The following SLC1A3 variants were observed in gnomAD, a reference collection of about 807,000 sequenced individuals.
The protein encoded by SLC1A3 is solute carrier family 1 member 3.
A neutral mutation model predicts 48.1 loss-of-function variants in SLC1A3; 21 were observed. The observed-to-expected ratio is 0.44, with a 90% confidence interval of 0.31 to 0.63. The LOEUF is 0.63. Ranked by LOEUF, SLC1A3 falls within the 20% of genes least tolerant of loss-of-function variation. SLC1A3 has a pLI of 0.08. For missense variants in SLC1A3, 546 were observed against 689.0 expected (o/e 0.79, Z 2.32); for synonymous variants, 239 against 251.4 (o/e 0.95, Z 0.47).
upstream of SLC1A3, among the ~76,000 whole-genome samples, chr5:36,603,314 A>G (rs1270649511): frequency 2.0e-5 from 3 of 152,190 alleles, no homozygotes; most frequent in Non-Finnish European, 4.4e-5. Flanking sequence ...TTGACATACT[A>G]ACTGGTAAAT....
At chr5:36,663,020 T>A (rs1023331627) in intron 3 of SLC1A3, among the ~76,000 whole-genome samples, 4 of 152,224 alleles carry the variant, frequency 2.6e-5, no homozygotes, top group African/African-American at 7.2e-5. Flanking sequence ...GAATTAAAGT[T>A]CATCCTCAAA....
chr5:36,623,287 A>G (rs1467043843), intron 2 of SLC1A3, among the ~76,000 whole-genome samples: 2 of 152,216 alleles, frequency 1.3e-5, no homozygotes, highest in African/African-American at 4.8e-5. Context: ...CATGATCTGA[A>G]TATTGCTCAT....
chr5:36,607,687 T>C (rs1179981932), intron 1 of SLC1A3, among the ~76,000 whole-genome samples: 1 of 152,216 alleles, frequency 6.6e-6, no homozygotes, highest in East Asian at 1.9e-4. Flanking sequence ...CAGAGCACTT[T>C]GCTTATTTCA....
At chr5:36,648,316 A>T (rs1250580714) in intron 3 of SLC1A3, among the ~76,000 whole-genome samples, 1 of 152,204 alleles carries the variant, frequency 6.6e-6, no homozygotes, top group Non-Finnish European at 1.5e-5. Flanking sequence ...TTTCAAGGAA[A>T]TTTGAGATTT....
At chr5:36,665,842 C>G (rs1296398197) in intron 3 of SLC1A3, among the ~76,000 whole-genome samples, 1 of 152,204 alleles carries the variant, frequency 6.6e-6, no homozygotes. Context: ...GAGGCTATCA[C>G]TGGCTTACTA....
chr5:36,628,867 G>A lies in SLC1A3; in HGVS notation c.182-583G>A, dbSNP rs144977363. Among the ~76,000 whole-genome samples, 336 of 152,238 alleles carry A rather than the reference G, an allele frequency of 2.2e-3. 1 individual carries two copies. The highest frequency in any genetic ancestry group is 7.5e-3 in the African/African-American group (313 of 41,530). ...TCTCTTGCCAGCAACTAACAAGTCT[G>A]TACAATACAGTTACCAAGGCAATGT... is the stretch of plus-strand genomic sequence containing the variant. On this transcript the variant is annotated intron_variant, in intron 2 of 9. Transcript: ENST00000265113.
intron 9 of SLC1A3, among the ~76,000 whole-genome samples, chr5:36,684,723 A>G (rs1742577033): frequency 6.6e-6 from 1 of 152,216 alleles, no homozygotes; most frequent in Admixed American, 6.5e-5. Flanking sequence ...TAGAACTGCA[A>G]CATGAAAAGA....
At chr5:36,657,260 A>AT (rs1204756638) in intron 3 of SLC1A3, among the ~76,000 whole-genome samples, 1 of 152,174 alleles carries the variant, frequency 6.6e-6, no homozygotes, top group Non-Finnish European at 1.5e-5. Flanking sequence ...GCTATAGGGA[A>AT]TTTTTTTGTT....
At chr5:36,661,381 C>T (rs1033491364) in intron 3 of SLC1A3, among the ~76,000 whole-genome samples, 42 of 152,214 alleles carry the variant, frequency 2.8e-4, no homozygotes, top group African/African-American at 1.0e-3. Context: ...CACTGCACTC[C>T]AGCCTGGGCA....
chr5:36,627,967 C>T (rs192758333), intron 2 of SLC1A3, among the ~76,000 whole-genome samples: 1 of 152,274 alleles, frequency 6.6e-6, no homozygotes. Context: ...ATTAAATTTG[C>T]TGCTAACCTA....
At chr5:36,636,819 G>T (rs1740411196) in intron 3 of SLC1A3, among the ~76,000 whole-genome samples, 1 of 151,984 alleles carries the variant, frequency 6.6e-6, no homozygotes, top group Non-Finnish European at 1.5e-5. Flanking sequence ...AGGGAGCCAG[G>T]AGACCTGAGG....
chr5:36,621,681 C>A (rs79991211), intron 2 of SLC1A3, among the ~76,000 whole-genome samples: 1 of 152,128 alleles, frequency 6.6e-6, no homozygotes, highest in Admixed American at 6.5e-5. Context: ...CAGGATCACA[C>A]GGGGAGTTAA....
intron 2 of SLC1A3, among the ~76,000 whole-genome samples, chr5:36,617,848 G>A (rs564985764): frequency 3.3e-5 from 5 of 152,260 alleles, no homozygotes; most frequent in South Asian, 2.1e-4. Flanking sequence ...ATTTAAAAAC[G>A]TTGTAATGAA....
At chr5:36,637,779 G>A (rs1740451877) in intron 3 of SLC1A3, among the ~76,000 whole-genome samples, 1 of 152,138 alleles carries the variant, frequency 6.6e-6, no homozygotes, top group Non-Finnish European at 1.5e-5. Flanking sequence ...ACTGTCTTAG[G>A]CTCTTCTAAT....
intron 4 of SLC1A3, among the ~76,000 whole-genome samples, 190 bp downstream of exon 4, chr5:36,671,423 G>C (rs1334309477): frequency 1.3e-5 from 2 of 152,184 alleles, no homozygotes; most frequent in East Asian, 1.9e-4. Flanking sequence ...TTGTATGAGA[G>C]AGGCGAAAAG....
intron 3 of SLC1A3, chr5:36,630,445 T>C (rs1383888858): frequency 6.6e-6 from 1 of 152,224 alleles, no homozygotes; most frequent in Non-Finnish European, 1.5e-5. Context: ...GGAATTTCCA[T>C]AGACACTGCC....
chr5:36,684,382 C>T (rs1742562083), intron 9 of SLC1A3, among the ~76,000 whole-genome samples: 1 of 152,268 alleles, frequency 6.6e-6, no homozygotes, highest in Admixed American at 6.5e-5. Context: ...GGCCCTGCCT[C>T]TGTGTGCTTC....
intron 3 of SLC1A3, among the ~76,000 whole-genome samples, chr5:36,633,858 A>C (rs1038121262): frequency 2.0e-5 from 3 of 152,224 alleles, no homozygotes; most frequent in Admixed American, 2.0e-4. Flanking sequence ...TCATTACCCA[A>C]AATGGAAACC....
At chr5:36,627,996 G>A (rs1739979601) in intron 2 of SLC1A3, among the ~76,000 whole-genome samples, 1 of 152,152 alleles carries the variant, frequency 6.6e-6, no homozygotes, top group African/African-American at 2.4e-5. Context: ...CCAGCATATA[G>A]CAAGAGCTCA....
Sources: gnomAD v4.1 joint callset for allele counts (sites outside exome capture counted in the v4.1 genomes callset) on GRCh38, gnomAD v4.1.1 for gene constraint, MANE v1.5 for transcripts, NCBI Gene and HGNC (gene_info 2026-07-23, HGNC 2026-07-21) for gene names.